The following SRPK2 variants were observed in gnomAD, a reference collection of about 807,000 sequenced individuals.
The protein encoded by SRPK2 is SFRS protein kinase 2.
In SRPK2, 21 loss-of-function variants were observed where a neutral mutation model predicts 90.8. The ratio of observed to expected loss-of-function variants is 0.23; its 90% confidence interval spans 0.16 to 0.33. The LOEUF (loss-of-function observed/expected upper bound fraction) is 0.33. Ranked by LOEUF, SRPK2 falls within the 10% of genes least tolerant of loss-of-function variation. The probability of loss-of-function intolerance (pLI) is 1.00; values close to 1 mark genes in which losing one functional copy is unlikely to be tolerated. For missense variants in SRPK2, 620 were observed against 869.0 expected (o/e 0.71, Z 3.60); for synonymous variants, 288 against 311.1 (o/e 0.93, Z 0.78).
intron 2 of SRPK2, among the ~76,000 whole-genome samples, chr7:105,269,348 G>A (rs889878570): frequency 6.6e-6 from 1 of 152,038 alleles, no homozygotes; most frequent in African/African-American, 2.4e-5. Context: ...ACTTAAGAAT[G>A]AAATATTAAA....
intron 2 of SRPK2, among the ~76,000 whole-genome samples, chr7:105,249,566 G>A (rs1300855962): frequency 6.6e-6 from 1 of 151,582 alleles, no homozygotes; most frequent in Non-Finnish European, 1.5e-5. Flanking sequence ...TCAAATACTG[G>A]AAGTTATCAG....
At chr7:105,342,697 G>A (rs1815971003) in intron 2 of SRPK2, among the ~76,000 whole-genome samples, 2 of 152,092 alleles carry the variant, frequency 1.3e-5, no homozygotes, top group Non-Finnish European at 2.9e-5. Flanking sequence ...TATATACGCT[G>A]CTTTTCTCTC....
chr7:105,269,849 G>C (rs910245188), intron 2 of SRPK2, among the ~76,000 whole-genome samples: 1 of 152,116 alleles, frequency 6.6e-6, no homozygotes, highest in Non-Finnish European at 1.5e-5. Flanking sequence ...TCCCTAATAA[G>C]TATTTCCAAC....
Position 105,252,900 on chromosome 7 carries a change from G to A in SRPK2, c.72-49115C>T, listed in dbSNP as rs1007588411. Among the ~76,000 whole-genome samples the A allele has an allele frequency of 4.6e-5, 7 of 151,452 alleles. No homozygotes were observed. In the East Asian group the frequency reaches 7.8e-4, roughly 17 times the overall value. ...GTGGGACTATAGGCACGCACCCCAC[G>A]TCTGGCTAATTCTTGCATTTTTAGT... On this transcript the variant is annotated intron_variant, in intron 2 of 15. Coordinates refer to ENST00000393651, the MANE Select transcript of SRPK2 (RefSeq NM_182692.3).
At chr7:105,341,005 T>C (rs1815708512) in intron 2 of SRPK2, among the ~76,000 whole-genome samples, 2 of 152,128 alleles carry the variant, frequency 1.3e-5, no homozygotes, top group South Asian at 4.1e-4. Context: ...TAACGGATGA[T>C]GTCACAAAAG....
intron 2 of SRPK2, among the ~76,000 whole-genome samples, chr7:105,334,369 C>T (rs1231030842): frequency 1.3e-5 from 2 of 152,194 alleles, no homozygotes; most frequent in Non-Finnish European, 2.9e-5. Flanking sequence ...TGAGCCACCA[C>T]GCCCGGCCAA....
chr7:105,155,436 G>T (rs926907153), intron 7 of SRPK2, among the ~76,000 whole-genome samples: 4 of 152,218 alleles, frequency 2.6e-5, no homozygotes, highest in African/African-American at 9.6e-5. Flanking sequence ...TGTCACCAAA[G>T]CACAATACAC....
intron 7 of SRPK2, among the ~76,000 whole-genome samples, chr7:105,151,992 C>G (rs910227863): frequency 6.7e-6 from 1 of 148,802 alleles, no homozygotes; most frequent in Admixed American, 6.7e-5. Flanking sequence ...TCACCACACT[C>G]CAGTATGGGC....
intron 2 of SRPK2, among the ~76,000 whole-genome samples, chr7:105,387,878 T>A (rs924915326): frequency 6.6e-6 from 1 of 152,200 alleles, no homozygotes; most frequent in African/African-American, 2.4e-5. Context: ...GCGGCCCCCC[T>A]GCTCGGGTGA....
chr7:105,299,351 G>A (rs1289993503), intron 2 of SRPK2, among the ~76,000 whole-genome samples: 1 of 152,110 alleles, frequency 6.6e-6, no homozygotes, highest in East Asian at 1.9e-4. Flanking sequence ...CCAAGTAAAG[G>A]ATCTACCTTA....
chr7:105,375,423 T>C (rs1044279298), intron 2 of SRPK2, among the ~76,000 whole-genome samples: 3 of 152,184 alleles, frequency 2.0e-5, no homozygotes, highest in Non-Finnish European at 4.4e-5. Flanking sequence ...GGCTCACACC[T>C]GTAATCCCAA....
At chr7:105,280,947 C>CAAAAAAAAAAAA (rs1158350206) in intron 2 of SRPK2, among the ~76,000 whole-genome samples, 4 of 43,326 alleles carry the variant, frequency 9.2e-5, no homozygotes, top group Non-Finnish European at 1.1e-4. Flanking sequence ...GACTCCATCT[C>CAAAAAAAAAAAA]AAAAAAAAAA....
Position 105,122,424 on chromosome 7 carries a change from A to G in SRPK2, c.1915+3824T>C, listed in dbSNP as rs182742069. 7.3e-3 allele frequency among the ~76,000 whole-genome samples: 1,107 copies of G among 152,330 alleles called. 3 individuals carry two copies. The highest frequency in any genetic ancestry group is 0.011 in the Non-Finnish European group (737 of 68,030). On this transcript the variant is annotated intron_variant, in intron 15 of 15. Transcript: ENST00000393651. ...ATTCATAATAGCCAAAAAGTGGGGG[A>G]AAACCAAACGCCCATCATCTGATGG...
chr7:105,146,782 T>C, intron 7 of SRPK2, 124 bp from the exon 8 acceptor site: 1 of 1,063,128 alleles, frequency 9.4e-7, no homozygotes, highest in Admixed American at 2.6e-5. Flanking sequence ...AAAGGATATT[T>C]AGTAAAAATC....
chr7:105,382,099 T>C (rs907845353), intron 2 of SRPK2, among the ~76,000 whole-genome samples: 4 of 149,436 alleles, frequency 2.7e-5, no homozygotes, highest in African/African-American at 9.9e-5. Context: ...ACCTGGGAGG[T>C]GGCAGGTGCA....
intron 2 of SRPK2, among the ~76,000 whole-genome samples, chr7:105,279,164 T>G (rs932135747): frequency 6.6e-6 from 1 of 150,716 alleles, no homozygotes; most frequent in Non-Finnish European, 1.5e-5. Context: ...GACTATGTCA[T>G]GTTCGCTCCA....
chr7:105,141,154 G>C (rs973462510), intron 11 of SRPK2, among the ~76,000 whole-genome samples: 17 of 152,182 alleles, frequency 1.1e-4, no homozygotes, highest in African/African-American at 3.6e-4. Flanking sequence ...CAAATCCTTA[G>C]GAGGATTCAT....
At chr7:105,170,985 A>AAGAAAG (rs1554436093) in intron 3 of SRPK2, among the ~76,000 whole-genome samples, 1 of 135,762 alleles carries the variant, frequency 7.4e-6, no homozygotes, top group African/African-American at 2.8e-5. Flanking sequence ...AAGAGAAAGA[A>AAGAAAG]AGAAAGAAAG....
chr7:105,121,207 T>C (rs1329348540), intron 15 of SRPK2, among the ~76,000 whole-genome samples: 10 of 151,874 alleles, frequency 6.6e-5, no homozygotes, highest in Admixed American at 5.2e-4. Context: ...TGGCCAGGCG[T>C]GGTGGTGCAC....
Sources: gnomAD v4.1 joint callset for allele counts (sites outside exome capture counted in the v4.1 genomes callset) on GRCh38, gnomAD v4.1.1 for gene constraint, MANE v1.5 for transcripts, NCBI Gene and HGNC (gene_info 2026-07-23, HGNC 2026-07-21) for gene names.